Variants in KCTD16 observed in about 807,000 individuals in gnomAD.
KCTD16 encodes the protein BTB/POZ domain-containing protein KCTD16.
KCTD16 carries 13 observed loss-of-function variants against 33.2 expected under a neutral mutation model. That is an observed-to-expected ratio of 0.39 (90% CI 0.25 to 0.62). The LOEUF (loss-of-function observed/expected upper bound fraction) is 0.62, where lower values mean the gene tolerates loss of function less well. KCTD16 is among the 20% of genes least tolerant of loss of function. KCTD16 has a pLI of 0.50. For synonymous variants in KCTD16, 197 were observed against 195.3 expected, an observed-to-expected ratio of 1.01 and a Z score of -0.07; for missense variants, 441 against 525.1, an observed-to-expected ratio of 0.84 and a Z score of 1.57.
At chr5:144,232,349 T>C (rs1054892847) in intron 3 of KCTD16, among the ~76,000 whole-genome samples, 2 of 152,248 alleles carry the variant, frequency 1.3e-5, no homozygotes, top group Admixed American at 6.5e-5. Flanking sequence ...ACAACAGTAA[T>C]AGTTAATATT....
intron 3 of KCTD16, among the ~76,000 whole-genome samples, chr5:144,290,039 G>C (rs1330551626): frequency 6.6e-6 from 1 of 152,158 alleles, no homozygotes; most frequent in African/African-American, 2.4e-5. Context: ...ATAGCACTTT[G>C]GGAGGCCAAG....
At chr5:144,315,760 A>G (rs548372498) in intron 3 of KCTD16, among the ~76,000 whole-genome samples, 2 of 152,316 alleles carry the variant, frequency 1.3e-5, no homozygotes, top group South Asian at 4.1e-4. Flanking sequence ...TTCAAATAGT[A>G]AAGTCTTAAT....
At chr5:144,272,955 G>A (rs1168108856) in intron 3 of KCTD16, among the ~76,000 whole-genome samples, 1 of 151,748 alleles carries the variant, frequency 6.6e-6, no homozygotes, top group East Asian at 1.9e-4. Flanking sequence ...AAAGGCATAG[G>A]CAACAAAATA....
chr5:144,406,007 C>G (rs1377068062), intron 3 of KCTD16, among the ~76,000 whole-genome samples: 1 of 152,164 alleles, frequency 6.6e-6, no homozygotes, highest in African/African-American at 2.4e-5. Flanking sequence ...AGTAGAAGCA[C>G]TATTGATATG....
At chr5:144,353,104 A>C (rs1463854837) in intron 3 of KCTD16, among the ~76,000 whole-genome samples, 1 of 152,182 alleles carries the variant, frequency 6.6e-6, no homozygotes, top group East Asian at 1.9e-4. Flanking sequence ...GCTGCTGCCA[A>C]ACTTGTAGGA....
Position 144,336,506 on chromosome 5 carries a change from C to G in KCTD16, c.832+128960C>G, listed in dbSNP as rs554497723. 3.3e-5 allele frequency among the ~76,000 whole-genome samples: 5 copies of G among 152,316 alleles called. No homozygotes were observed. In the East Asian group the frequency reaches 5.8e-4, roughly 18 times the overall value. On this transcript the variant is annotated intron_variant, in intron 3 of 3. Transcript: ENST00000512467. ...TACTTCTATCAGCTTGAAAATACTT[C>G]AGAAACCTCTTTGCCCCTGGTCCCA...
At chr5:144,359,602 AC>A (rs1168194093) in intron 3 of KCTD16, among the ~76,000 whole-genome samples, 1 of 149,762 alleles carries the variant, frequency 6.7e-6, no homozygotes, top group African/African-American at 2.5e-5. Context: ...GGGCAATATG[AC>A]CCCTCCAACA....
rs184803710 is a variant in KCTD16 at position 144,419,837 on chromosome 5, C to T, written c.833-53823C>T. ...ATTAGCCACCTGTGGCTAATGACTA[C>T]CCTGTTGCATAGGAGAGCTTATAGC... On this transcript the variant is annotated intron_variant, in intron 3 of 3. Coordinates refer to ENST00000512467, the MANE Select transcript of KCTD16 (RefSeq NM_020768.4). Among the ~76,000 whole-genome samples the T allele has an allele frequency of 2.8e-3, 429 of 152,108 alleles. 4 individuals carry two copies. Among genetic ancestry groups the T allele is most frequent in the African/African-American group, 9.8e-3 (408 of 41,488 alleles).
At chr5:144,415,018 T>G (rs1472165462) in intron 3 of KCTD16, among the ~76,000 whole-genome samples, 1 of 152,134 alleles carries the variant, frequency 6.6e-6, no homozygotes, top group African/African-American at 2.4e-5. Flanking sequence ...TGAGACTGAG[T>G]AATTCATAAA....
rs781731269 is a variant in KCTD16, at chr5:144,476,632, G to A, written c.*2518G>A. On this transcript the variant is annotated 3_prime_UTR_variant, in exon 4 of 4. Transcript: ENST00000512467. ...ATTCAAGTAACTAAGACAACAGCAT[G>A]GCATTTATTTGTGTGAGTGTTTATA... The A allele has an allele frequency of 2.1e-4, 32 of 152,118 alleles. No individual in the cohort carries two copies. Among genetic ancestry groups the A allele is most frequent in the Non-Finnish European group, 3.8e-4 (26 of 68,012 alleles). The allele number at this position is 152,118 out of a possible 1,614,324, so 9.4% of individuals were successfully genotyped here.
intron 3 of KCTD16, among the ~76,000 whole-genome samples, chr5:144,330,284 A>C (rs1752319917): frequency 6.6e-6 from 1 of 151,510 alleles, no homozygotes. Flanking sequence ...GAGTTGGTGC[A>C]CTCCTGTAGT....
At chr5:144,414,491 G>T (rs1419756293) in intron 3 of KCTD16, among the ~76,000 whole-genome samples, 2 of 152,126 alleles carry the variant, frequency 1.3e-5, no homozygotes, top group Non-Finnish European at 2.9e-5. Context: ...TACTTTATGG[G>T]CTTAGTTCAG....
chr5:144,313,729 A>G (rs1006500317), intron 3 of KCTD16, among the ~76,000 whole-genome samples: 1 of 152,142 alleles, frequency 6.6e-6, no homozygotes, highest in Non-Finnish European at 1.5e-5. Flanking sequence ...AATTTCTGGG[A>G]TAAAATTTAT....
chr5:144,345,259 A>C (rs1244416303), intron 3 of KCTD16, among the ~76,000 whole-genome samples: 1 of 151,394 alleles, frequency 6.6e-6, no homozygotes, highest in Admixed American at 6.6e-5. Context: ...ATGCTAAATG[A>C]GGAGTTAATG....
intron 3 of KCTD16, among the ~76,000 whole-genome samples, chr5:144,352,533 C>A (rs1250346584): frequency 2.6e-5 from 4 of 152,178 alleles, no homozygotes; most frequent in Non-Finnish European, 4.4e-5. Context: ...AGCTTGTCTG[C>A]CCTGGAACTC....
intron 3 of KCTD16, among the ~76,000 whole-genome samples, chr5:144,459,112 A>G (rs545684115): frequency 3.9e-5 from 6 of 152,346 alleles, no homozygotes; most frequent in South Asian, 4.1e-4. Context: ...CAGCCGGAGC[A>G]TCTTCTGTCA....
At chr5:144,458,822 C>T (rs1561615572) in intron 3 of KCTD16, among the ~76,000 whole-genome samples, 1 of 152,240 alleles carries the variant, frequency 6.6e-6, no homozygotes, top group Non-Finnish European at 1.5e-5. Context: ...TGCAGCTATA[C>T]TTTCTCTCCC....
chr5:144,415,726 TGAAAACATA>T (rs1753034235), intron 3 of KCTD16, among the ~76,000 whole-genome samples: 2 of 152,180 alleles, frequency 1.3e-5, no homozygotes, highest in African/African-American at 4.8e-5. Context: ...GGATCAAACT[TGAAAACATA>T]TGTTTGAAGT....
Position 144,252,481 on chromosome 5 carries a change from G to T in KCTD16, c.832+44935G>T, listed in dbSNP as rs1321400354. Reference sequence around the variant, plus strand: ...CAGGTGGCCTTAGCACTTTTCATGAGAACTCAAAGTAGATGAATAATAAAT... The same window carrying T: ...CAGGTGGCCTTAGCACTTTTCATGATAACTCAAAGTAGATGAATAATAAAT... On this transcript the variant is annotated intron_variant, in intron 3 of 3. Coordinates refer to ENST00000512467, the MANE Select transcript of KCTD16 (RefSeq NM_020768.4). Among the ~76,000 whole-genome samples the T allele has an allele frequency of 2.0e-5, 3 of 151,998 alleles. No individual in the cohort carries two copies. In the East Asian group the frequency reaches 5.8e-4, roughly 29 times the overall value.
Sources: gnomAD v4.1 joint callset for allele counts (sites outside exome capture counted in the v4.1 genomes callset) on GRCh38, gnomAD v4.1.1 for gene constraint, MANE v1.5 for transcripts, NCBI Gene and HGNC (gene_info 2026-07-23, HGNC 2026-07-21) for gene names.